POLE: variants seen among roughly 807,000 people sequenced by gnomAD.
The protein encoded by POLE is DNA polymerase epsilon, catalytic subunit, also known as DNA polymerase epsilon catalytic subunit A.
In POLE, 188 loss-of-function variants were observed where a neutral mutation model predicts 279.2. The observed-to-expected ratio is 0.67, with a 90% CI of 0.60 to 0.76. The LOEUF (loss-of-function observed/expected upper bound fraction) is 0.76. Ranked by LOEUF, POLE falls within the 30% of genes least tolerant of loss-of-function variation. The pLI, the probability that POLE is intolerant of heterozygous loss-of-function variation, is 0.00. For synonymous variants in POLE, 1,214 were observed against 1,172.5 expected (o/e 1.04, Z -0.72); for missense variants, 2,703 against 3,016.7 (o/e 0.90, Z 2.44).
chr12:132,636,175 G>T, intron 41 of POLE, 151 bp from the exon 42 acceptor site: 1 of 855,836 alleles, frequency 1.2e-6, no homozygotes, highest in Non-Finnish European at 1.7e-6. Flanking sequence ...AGGCTTCCTG[G>T]GGAAATGTGG....
chr12:132,632,805 G>T lies in POLE; in HGVS notation c.6005-10C>A. ...ACGGCCACGATGTACGCTGTGGAGAGGCACACACACCACAGGCCCTGAGTC... is the reference window on the plus strand; with the variant it reads ...ACGGCCACGATGTACGCTGTGGAGATGCACACACACCACAGGCCCTGAGTC... On this transcript the variant is annotated splice_polypyrimidine_tract_variant and intron_variant, in intron 43 of 48. Transcript: ENST00000320574. 6.3e-7 allele frequency: 1 copy of T among 1,596,060 alleles called. No homozygotes were observed.
chr12:132,664,418 G>C lies in POLE; in HGVS notation c.2513C>G (p.Thr838Arg). ...TGCCTGGGTGATGATGTTGGCCCCT[G>C]TGAAGCAGACGATGCCAGCCATCTC... is the stretch of plus-strand genomic sequence containing the variant. ...SMEMAGIVCF[T>R]GANIITQARE... The change falls in exon 22 of 49, where the codon ACA (threonine) becomes AGA (arginine). Residue 838 changes from threonine to arginine, a missense_variant. Thr to Arg is a moderately conservative substitution (Grantham distance 71). Coordinates refer to ENST00000320574, the MANE Select transcript of POLE (RefSeq NM_006231.4). This position sits in a 1 kb window ranked among gnomAD's most constrained non-coding sequence, Gnocchi z 5.3. 6.2e-7 allele frequency: 1 copy of C among 1,614,096 alleles called. No homozygotes were observed. Among genetic ancestry groups the C allele is most frequent in the Non-Finnish European group, 8.5e-7 (1 of 1,180,022 alleles).
chr12:132,660,878 T>A (rs2042662460), intron 25 of POLE, 91 bp downstream of exon 25: 1 of 1,040,084 alleles, frequency 9.6e-7, no homozygotes, highest in African/African-American at 1.6e-5. Context: ...TTCGGTCACC[T>A]TGGTCTCCAG....
intron 29 of POLE, among the ~76,000 whole-genome samples, chr12:132,653,138 G>C (rs532907347): frequency 2.6e-4 from 40 of 151,838 alleles, no homozygotes; most frequent in African/African-American, 8.7e-4. Context: ...CCAGTGCTTT[G>C]GGGGGGGCCC....
chr12:132,623,894 C>T lies in POLE; in HGVS notation c.*803G>A, dbSNP rs1376065362. ...TCCTGGGGAGCCTGTGGGGCCCCCT[C>T]CCTCCTGTGAGGCTCTCGTCTGGGG... On this transcript the variant is annotated 3_prime_UTR_variant, in exon 49 of 49. Coordinates refer to ENST00000320574, the MANE Select transcript of POLE (RefSeq NM_006231.4). The T allele has an allele frequency of 5.2e-6, 1 of 192,426 alleles. No homozygotes were observed. Among genetic ancestry groups the T allele is most frequent in the African/African-American group, 2.3e-5 (1 of 42,974 alleles). The allele number at this position is 192,426 out of a possible 1,614,324, so 11.9% of individuals were successfully genotyped here.
chr12:132,681,604 C>T (rs1377180091), intron 1 of POLE, among the ~76,000 whole-genome samples: 2 of 151,784 alleles, frequency 1.3e-5, no homozygotes, highest in East Asian at 1.9e-4. Flanking sequence ...CCTACTTCTG[C>T]AACCCTCATC....
At chr12:132,640,939 TCCC>T in intron 39 of POLE, 1 of 455,794 alleles carries the variant, frequency 2.2e-6, no homozygotes, top group South Asian at 1.6e-5. Flanking sequence ...ATGCTCCCTC[TCCC>T]CTTTTGTATG....
intron 1 of POLE, 70 bp downstream of exon 1, chr12:132,687,184 G>T: frequency 2.0e-6 from 2 of 1,010,648 alleles, no homozygotes; most frequent in South Asian, 3.4e-5. Context: ...CCTCGGCGGC[G>T]CCAGCCGAGG....
In POLE at chr12:132,624,543, T is replaced by C. The variant is rs551987147; in HGVS notation, c.*154A>G. On this transcript the variant is annotated 3_prime_UTR_variant, in exon 49 of 49. Transcript: ENST00000320574. The stretch of plus-strand genomic sequence containing the variant: ...CTGTGACGTCTGAGCTCCCTGAAAA[T>C]GGTTTTCTTTGGTTTCCTCCCCGTT... The C allele has an allele frequency of 2.9e-4, 191 of 649,478 alleles. No homozygotes were observed. In the African/African-American group the frequency reaches 3.2e-3, roughly 11 times the overall value. The allele number at this position is 649,478 out of a possible 1,614,324, so 40.2% of individuals were successfully genotyped here. A position where few individuals can be genotyped will look rare whatever the true frequency, so the allele number is the denominator to read the frequency against.
In POLE at chr12:132,660,731, C is replaced by G. The variant is rs536701631; in HGVS notation, c.3060+238G>C. 14 of 348,102 alleles carry G rather than the reference C, an allele frequency of 4.0e-5. No individual in the cohort carries two copies. The South Asian group carries it at 1.2e-3, about 31-fold the overall frequency. The allele number at this position is 348,102 out of a possible 1,614,324, so 21.6% of individuals were successfully genotyped here. On this transcript the variant is annotated intron_variant, in intron 25 of 48. Coordinates refer to ENST00000320574, the MANE Select transcript of POLE (RefSeq NM_006231.4). Reference sequence around the variant, plus strand: ...AGCTGGGACCACAGGCACGCATCACCATGCCAGGCTTATCACGCTATTTAG... The same window carrying G: ...AGCTGGGACCACAGGCACGCATCACGATGCCAGGCTTATCACGCTATTTAG...
intron 1 of POLE, among the ~76,000 whole-genome samples, chr12:132,686,671 G>A (rs1182414687): frequency 1.3e-5 from 2 of 152,038 alleles, no homozygotes; most frequent in African/African-American, 4.8e-5. Flanking sequence ...GGAAGCAGAG[G>A]TTGCAGTGAG....
In POLE at chr12:132,625,674, T is replaced by G. The variant is rs1284697545; in HGVS notation, c.6628A>C (p.Lys2210Gln). 4.3e-6 allele frequency: 7 copies of G among 1,613,622 alleles called. No individual in the cohort carries two copies. The highest frequency in any genetic ancestry group is 1.3e-5 in the African/African-American group (1 of 74,926). ...TCCTGCAGGGTGAAGGCCATCAGCT[T>G]CTTCTGTAGAACTTCCACCAGCGTC... The part of the protein sequence containing the change: ...EMTLVEVLQK[K>Q]LMAFTLQDLV... The change falls in exon 47 of 49, where the codon AAG becomes CAG. Residue 2210 changes from lysine to glutamine, a missense_variant. Physicochemically the swap from Lys to Gln is moderately conservative, Grantham distance 53. Transcript: ENST00000320574.
In POLE at chr12:132,659,610, G is replaced by C. The variant is rs542655248; in HGVS notation, c.3061-101C>G. On this transcript the variant is annotated intron_variant, in intron 25 of 48. Transcript: ENST00000320574. ...TAGGCCATGCCCTTCTCTAGCCTGA[G>C]ACGCAGAAGGCTGCAATTTCAAGAG... 8 of 931,070 alleles carry C rather than the reference G, an allele frequency of 8.6e-6. No individual in the cohort carries two copies. In the East Asian group the frequency reaches 2.1e-4, roughly 24 times the overall value. 57.7% of individuals were successfully genotyped at this position (931,070 alleles called of 1,614,324 possible). A position where few individuals can be genotyped will look rare whatever the true frequency, so the allele number is the denominator to read the frequency against.
chr12:132,680,041 A>C lies in POLE; in HGVS notation c.336T>G (p.Cys112Trp). ...AGAGAAAAGATGAAACTTCTCGCTC[A>C]CAACCCTAATCAGGATCAGAATGAA... The part of the protein sequence containing the change: ...PYFYIATRKG[C>W]EREVSSFLSK... The change falls in exon 5 of 49, where the codon TGT becomes TGG. Residue 112 changes from cysteine to tryptophan, a missense_variant. Physicochemically the swap from Cys to Trp is radical, Grantham distance 215. Around this residue, in one of 5 missense-constraint regions of POLE, gnomAD observed 1,011 missense variants for 1,111.7 expected, o/e 0.91. Transcript: ENST00000320574. 6.2e-7 allele frequency: 1 copy of C among 1,613,622 alleles called. No individual in the cohort carries two copies. The highest frequency in any genetic ancestry group is 8.5e-7 in the Non-Finnish European group (1 of 1,179,636).
chr12:132,649,653 C>T lies in POLE; in HGVS notation c.3795+24G>A, dbSNP rs200450227. Reference sequence around the variant, plus strand: ...GCTGTGCAGACCCCTCAGAGACAGACAGTATCACAGCTGTGTGCCTTACCT... The same window carrying T: ...GCTGTGCAGACCCCTCAGAGACAGATAGTATCACAGCTGTGTGCCTTACCT... On this transcript the variant is annotated intron_variant, in intron 30 of 48. Coordinates refer to ENST00000320574, the MANE Select transcript of POLE (RefSeq NM_006231.4). 4.2e-5 allele frequency: 68 copies of T among 1,612,440 alleles called. No homozygotes were observed. The African/African-American group carries it at 7.3e-4, about 17-fold the overall frequency.
chr12:132,668,749 G>C lies in POLE; in HGVS notation c.1924-12C>G, dbSNP rs748625378. The C allele has an allele frequency of 6.2e-7, 1 of 1,613,682 alleles. No homozygotes were observed. Among genetic ancestry groups the C allele is most frequent in the South Asian group, 1.1e-5 (1 of 91,074 alleles). Reference sequence around the variant, plus strand: ...ACCATGGCAGAGGGCTGGGAGGGGTGAGAAAGCACTTAGGGCTGGGCAGAG... The same window carrying C: ...ACCATGGCAGAGGGCTGGGAGGGGTCAGAAAGCACTTAGGGCTGGGCAGAG... On this transcript the variant is annotated splice_polypyrimidine_tract_variant and intron_variant, in intron 17 of 48. Coordinates refer to ENST00000320574, the MANE Select transcript of POLE (RefSeq NM_006231.4). The surrounding 1 kb of genome is among the most constrained non-coding windows in gnomAD (Gnocchi z 4.0).
chr12:132,661,747 T>C lies in POLE; in HGVS notation c.2707-63A>G. 6.4e-7 allele frequency: 1 copy of C among 1,554,780 alleles called. No homozygotes were observed. The highest frequency in any genetic ancestry group is 8.8e-7 in the Non-Finnish European group (1 of 1,135,494). Reference sequence around the variant, plus strand: ...TGATGGCCCAAACCTGGAAACCACCTGGTGTCCCTCCAGGAGTGGATGGAT... The same window carrying C: ...TGATGGCCCAAACCTGGAAACCACCCGGTGTCCCTCCAGGAGTGGATGGAT... On this transcript the variant is annotated intron_variant, in intron 23 of 48. Coordinates refer to ENST00000320574, the MANE Select transcript of POLE (RefSeq NM_006231.4). This position sits in a 1 kb window ranked among gnomAD's most constrained non-coding sequence, Gnocchi z 4.1.
chr12:132,644,720 C>T lies in POLE; in HGVS notation c.4150-743G>A, dbSNP rs5744925. Among the ~76,000 whole-genome samples, 403 of 146,322 alleles carry T rather than the reference C, an allele frequency of 2.8e-3. 1 individual carries two copies. Among genetic ancestry groups the T allele is most frequent in the African/African-American group, 9.7e-3 (384 of 39,392 alleles). ...GAGCTGGAGAGGGGCACCCTAGCTT[C>T]GTGAATGGGGTCCTGGAGGGGTCTG... On this transcript the variant is annotated intron_variant, in intron 32 of 48. Coordinates refer to ENST00000320574, the MANE Select transcript of POLE (RefSeq NM_006231.4).
At chr12:132,671,205 G>GT (rs1156829905) in intron 16 of POLE, among the ~76,000 whole-genome samples, 1 of 136,822 alleles carries the variant, frequency 7.3e-6, no homozygotes, top group Non-Finnish European at 1.5e-5. Context: ...AAAGGTTGCA[G>GT]TAAGCCGAGA....
Sources: allele counts gnomAD v4.1 joint callset (sites outside exome capture counted in the v4.1 genomes callset), GRCh38; gene constraint gnomAD v4.1.1; regional missense constraint gnomAD v4.1.1; non-coding constraint Gnocchi (gnomAD v3.1); transcripts MANE v1.5; gene names NCBI Gene and HGNC (gene_info 2026-07-23, HGNC 2026-07-21).